Variants in HDAC4 observed in about 807,000 individuals in gnomAD.
HDAC4 encodes the protein histone deacetylase A.
In HDAC4, 16 loss-of-function variants were observed where a neutral mutation model predicts 135.1. The ratio of observed to expected loss-of-function variants is 0.12; its 90% CI spans 0.08 to 0.18. The LOEUF is 0.18. Among genes scored for constraint, HDAC4 ranks in the 10% least tolerant of loss-of-function variants. The pLI is 1.00. For synonymous variants in HDAC4, 685 were observed against 653.4 expected (o/e 1.05, Z -0.74); for missense variants, 1,143 against 1,511.8 (o/e 0.76, Z 4.05).
intron 4 of HDAC4, among the ~76,000 whole-genome samples, chr2:239,187,392 G>C (rs969524995): frequency 5.3e-5 from 8 of 152,194 alleles, no homozygotes; most frequent in Non-Finnish European, 1.0e-4. Context: ...AGCCTATGGC[G>C]CAAAAACTAA....
At chr2:239,266,641 G>A (rs2049748253) in intron 2 of HDAC4, among the ~76,000 whole-genome samples, 1 of 152,172 alleles carries the variant, frequency 6.6e-6, no homozygotes, top group Non-Finnish European at 1.5e-5. Context: ...CCAAAGGCAA[G>A]CGCTGCAGCT....
intron 3 of HDAC4, among the ~76,000 whole-genome samples, chr2:239,196,803 C>T (rs2045415352): frequency 6.6e-6 from 1 of 152,138 alleles, no homozygotes; most frequent in Non-Finnish European, 1.5e-5. Context: ...CTCGGGGAAT[C>T]GAGGCAGTGG....
intron 13 of HDAC4, among the ~76,000 whole-genome samples, chr2:239,114,283 C>T (rs1009109799): frequency 8.5e-5 from 13 of 152,230 alleles, no homozygotes; most frequent in East Asian, 1.9e-4. Flanking sequence ...AGGGAGGGAA[C>T]GAGCCAGTGG....
At chr2:239,158,844 G>A (rs3791511) in intron 6 of HDAC4, among the ~76,000 whole-genome samples, 13,024 of 152,108 alleles carry the variant, frequency 0.086, 610 homozygotes, top group East Asian at 0.18. Context: ...GCGAAGAAGC[G>A]TCCAGCAGGG....
chr2:239,368,919 A>G (rs1194041605), intron 1 of HDAC4, among the ~76,000 whole-genome samples: 2 of 152,288 alleles, frequency 1.3e-5, no homozygotes, highest in South Asian at 2.1e-4. Context: ...GGGAACCCGC[A>G]GACAATCCTG....
Position 239,262,710 on chromosome 2 carries a change from G to C in HDAC4, c.23-26046C>G, listed in dbSNP as rs200834193. Among the ~76,000 whole-genome samples the C allele has an allele frequency of 6.6e-6, 1 of 152,180 alleles. No individual in the cohort carries two copies. Among genetic ancestry groups the C allele is most frequent in the Non-Finnish European group, 1.5e-5 (1 of 68,036 alleles). ...GCGGGACACCCCCAAGGGTGCACAC[G>C]GCTGAAGGCGCAACGGGCACAGGGC... On this transcript the variant is annotated intron_variant, in intron 2 of 26. Transcript: ENST00000543185. The surrounding 1 kb of genome is among the most constrained non-coding windows in gnomAD (Gnocchi z 4.1).
In HDAC4 at chr2:239,308,556, A is replaced by AT. The variant is rs548616256; in HGVS notation, c.22+44121dup. On this transcript the variant is annotated intron_variant, in intron 2 of 26. Coordinates refer to ENST00000543185, the MANE Select transcript of HDAC4 (RefSeq NM_001378414.1). This position sits in a 1 kb window ranked among gnomAD's most constrained non-coding sequence, Gnocchi z 4.2. ...ATACATAACCTCCATCCACAGCCAG[A>AT]TACTGCTTCCGGAACCACACTTCGT... 3.9e-5 allele frequency among the ~76,000 whole-genome samples: 6 copies of AT among 152,324 alleles called. No homozygotes were observed. Among genetic ancestry groups the AT allele is most frequent in the African/African-American group, 1.2e-4 (5 of 41,574 alleles).
At chr2:239,132,677 T>A (rs2040676589) in intron 11 of HDAC4, among the ~76,000 whole-genome samples, 2 of 152,178 alleles carry the variant, frequency 1.3e-5, no homozygotes, top group African/African-American at 4.8e-5. Flanking sequence ...CCATGCACAC[T>A]CGATATCCAG....
intron 2 of HDAC4, among the ~76,000 whole-genome samples, chr2:239,246,180 G>T (rs1012434030): frequency 2.6e-5 from 4 of 152,220 alleles, no homozygotes; most frequent in Non-Finnish European, 5.9e-5. Context: ...TGGACACGCA[G>T]ACTCAGCAGG....
chr2:239,140,356 G>A (rs1035200433), intron 8 of HDAC4, among the ~76,000 whole-genome samples: 4 of 152,018 alleles, frequency 2.6e-5, no homozygotes, highest in South Asian at 2.1e-4. Context: ...TTTAACCATC[G>A]GTGCGGCTTG....
intron 3 of HDAC4, among the ~76,000 whole-genome samples, chr2:239,233,383 TG>T (rs1231680653): frequency 6.6e-6 from 1 of 151,778 alleles, no homozygotes; most frequent in Admixed American, 6.6e-5. Flanking sequence ...CAATGCTCAT[TG>T]GGGCATTTCT....
intron 3 of HDAC4, among the ~76,000 whole-genome samples, chr2:239,221,497 T>A (rs1470565401): frequency 6.6e-6 from 1 of 151,578 alleles, no homozygotes; most frequent in Admixed American, 6.6e-5. Flanking sequence ...GGGTTAAGAG[T>A]GGCCAGCTGG....
At position 239,134,188 on chromosome 2, in the gene HDAC4, C is replaced by G. The variant is rs371559451; in HGVS notation, c.1294+57G>C. 17 of 1,432,548 alleles carry G rather than the reference C, an allele frequency of 1.2e-5. No individual in the cohort carries two copies. The African/African-American group carries it at 2.0e-4, about 17-fold the overall frequency. 88.7% of individuals were successfully genotyped at this position (1,432,548 alleles called of 1,614,324 possible). A position where few individuals can be genotyped will look rare whatever the true frequency, so the allele number is the denominator to read the frequency against. On this transcript the variant is annotated intron_variant, in intron 11 of 26. Coordinates refer to ENST00000543185, the MANE Select transcript of HDAC4 (RefSeq NM_001378414.1). Reference sequence around the variant, plus strand: ...CCAAAGGCAGGCGAAGGCGGGGCACCATCCAGAGCGTGGGCAGCCTCAGAG... The same window carrying G: ...CCAAAGGCAGGCGAAGGCGGGGCACGATCCAGAGCGTGGGCAGCCTCAGAG...
At chr2:239,059,432 C>T (rs573227856) in intron 24 of HDAC4, among the ~76,000 whole-genome samples, 222 of 152,088 alleles carry the variant, frequency 1.5e-3, no homozygotes, top group African/African-American at 4.9e-3. Context: ...AACCCAAGTT[C>T]GGGGGGGTAC....
chr2:239,224,881 T>A lies in HDAC4; in HGVS notation c.94+11712A>T, dbSNP rs1375872211. On this transcript the variant is annotated intron_variant, in intron 3 of 26. Transcript: ENST00000543185. ...TTCTAATATTGTAGGTAATTTACAA[T>A]CAATAAGCTGGAATTAATGAGCATA... Among the ~76,000 whole-genome samples the A allele has an allele frequency of 2.0e-5, 3 of 152,222 alleles. No homozygotes were observed. The East Asian group carries it at 5.8e-4, about 29-fold the overall frequency.
At chr2:239,369,467 C>T (rs956498348) in intron 1 of HDAC4, among the ~76,000 whole-genome samples, 15 of 152,054 alleles carry the variant, frequency 9.9e-5, no homozygotes, top group African/African-American at 3.6e-4. Context: ...AGCATGTGAG[C>T]GAAACTCAGA....
At chr2:239,169,149 T>C (rs1281245275) in intron 5 of HDAC4, among the ~76,000 whole-genome samples, 2 of 152,258 alleles carry the variant, frequency 1.3e-5, no homozygotes, top group Non-Finnish European at 2.9e-5. Flanking sequence ...TCTTATTTGT[T>C]GGTTAGTTGT....
chr2:239,284,706 C>T (rs981641512), intron 2 of HDAC4, among the ~76,000 whole-genome samples: 3 of 152,132 alleles, frequency 2.0e-5, no homozygotes, highest in Non-Finnish European at 2.9e-5. Flanking sequence ...GGGGGAAAGG[C>T]ACCAGACGGT....
intron 12 of HDAC4, among the ~76,000 whole-genome samples, chr2:239,121,877 C>T (rs1177110769): frequency 6.6e-6 from 1 of 152,220 alleles, no homozygotes; most frequent in Non-Finnish European, 1.5e-5. Context: ...AGTTCTGAGT[C>T]TCACTGGCTG....
Sources: gnomAD v4.1 joint callset for allele counts (sites outside exome capture counted in the v4.1 genomes callset) on GRCh38, gnomAD v4.1.1 for gene constraint, Gnocchi (gnomAD v3.1) non-coding constraint, MANE v1.5 for transcripts, NCBI Gene and HGNC (gene_info 2026-07-23, HGNC 2026-07-21) for gene names.